Variants in VPS13B observed in about 807,000 individuals in gnomAD.
The protein encoded by VPS13B is vacuolar protein sorting 13 homolog B.
VPS13B carries 285 observed loss-of-function variants against 426.4 expected under a neutral mutation model. The ratio of observed to expected loss-of-function variants is 0.67; its 90% CI spans 0.61 to 0.74. VPS13B has a LOEUF of 0.74. VPS13B is among the 30% of genes least tolerant of loss of function. VPS13B has a pLI of 0.00. For synonymous variants in VPS13B, 1,676 were observed against 1,676.4 expected (o/e 1.00, Z 0.01); for missense variants, 4,537 against 4,782.6 (o/e 0.95, Z 1.51).
At chr8:99,345,639 T>C (rs1193786002) in intron 19 of VPS13B, among the ~76,000 whole-genome samples, 3 of 152,342 alleles carry the variant, frequency 2.0e-5, no homozygotes, top group South Asian at 4.1e-4. Context: ...TTTTCTTATA[T>C]ACACTTTTTG....
intron 19 of VPS13B, among the ~76,000 whole-genome samples, chr8:99,361,843 T>G (rs1044198726): frequency 6.6e-6 from 1 of 152,216 alleles, no homozygotes; most frequent in Non-Finnish European, 1.5e-5. Context: ...GAGTAGCTAT[T>G]ACTTTTTAAG....
At chr8:99,468,798 T>C (rs182522892) in intron 24 of VPS13B, among the ~76,000 whole-genome samples, 71 of 152,314 alleles carry the variant, frequency 4.7e-4, no homozygotes, top group Admixed American at 2.0e-3. Flanking sequence ...TGTTTTACAT[T>C]TTACTATCAC....
At chr8:99,374,740 C>G (rs1200899382) in intron 19 of VPS13B, among the ~76,000 whole-genome samples, 2 of 152,080 alleles carry the variant, frequency 1.3e-5, no homozygotes, top group African/African-American at 4.8e-5. Context: ...TGAGCTGTAT[C>G]TTATTCTTTT....
chr8:99,628,920 A>G, intron 33 of VPS13B, among the ~76,000 whole-genome samples: 1 of 151,972 alleles, frequency 6.6e-6, no homozygotes, highest in East Asian at 1.9e-4. Context: ...ATGCATCTCC[A>G]TGCCAGCTAA....
chr8:99,808,972 A>C (rs1234750068), intron 43 of VPS13B, among the ~76,000 whole-genome samples: 7 of 152,044 alleles, frequency 4.6e-5, no homozygotes, highest in Non-Finnish European at 7.4e-5. Flanking sequence ...TAAAAAAAAA[A>C]CCCACAAACC....
chr8:99,871,472 A>G lies in VPS13B; in HGVS notation c.11520A>G (p.Arg3840=). 1 of 1,614,160 alleles carries G rather than the reference A, an allele frequency of 6.2e-7. No individual in the cohort carries two copies. Among genetic ancestry groups the G allele is most frequent in the Non-Finnish European group, 8.5e-7 (1 of 1,180,012 alleles). ...YVWKMLQSLG[R]PEVHMALDVV... ...GGAAAATGCTTCAGTCTCTGGGCAG[A>G]CCAGAAGTCCACATGGCCCTGGACG... is the stretch of plus-strand genomic sequence containing the variant. The change falls in exon 61 of 62, where the codon AGA becomes AGG. Residue 3840 remains arginine, a synonymous_variant. Coordinates refer to ENST00000357162, the MANE Select transcript of VPS13B (RefSeq NM_152564.5).
At chr8:99,760,471 A>T (rs1810870413) in intron 39 of VPS13B, among the ~76,000 whole-genome samples, 1 of 152,206 alleles carries the variant, frequency 6.6e-6, no homozygotes, top group Admixed American at 6.5e-5. Context: ...ATCATTAAAT[A>T]GGTTGCCCAA....
intron 26 of VPS13B, among the ~76,000 whole-genome samples, chr8:99,502,452 G>C (rs1242531495): frequency 6.6e-6 from 1 of 152,036 alleles, no homozygotes; most frequent in Non-Finnish European, 1.5e-5. Flanking sequence ...AACATTAAAG[G>C]TTTACGTGTA....
chr8:99,172,849 T>C (rs890478185), intron 16 of VPS13B, among the ~76,000 whole-genome samples: 1 of 152,164 alleles, frequency 6.6e-6, no homozygotes, highest in African/African-American at 2.4e-5. Context: ...TTTATAGCCA[T>C]CTGTGTACTG....
intron 58 of VPS13B, among the ~76,000 whole-genome samples, chr8:99,865,629 T>C (rs941759536): frequency 2.6e-5 from 4 of 152,190 alleles, no homozygotes; most frequent in Non-Finnish European, 5.9e-5. Flanking sequence ...CAGTGCGGAA[T>C]TTAGGAATGA....
At chr8:99,717,461 T>G in intron 37 of VPS13B, 88 bp downstream of exon 37, 1 of 1,243,120 alleles carries the variant, frequency 8.0e-7, no homozygotes, top group East Asian at 2.5e-5. Flanking sequence ...TTTAAATCTT[T>G]GTGTGGTAAG....
At chr8:99,031,147 C>T (rs1338850627) in intron 2 of VPS13B, among the ~76,000 whole-genome samples, 2 of 151,986 alleles carry the variant, frequency 1.3e-5, no homozygotes, top group Admixed American at 6.6e-5. Flanking sequence ...TTCAAGTTCA[C>T]AAATTCTTCT....
At chr8:99,793,569 A>G (rs1019273380) in intron 43 of VPS13B, among the ~76,000 whole-genome samples, 4 of 152,138 alleles carry the variant, frequency 2.6e-5, no homozygotes, top group Non-Finnish European at 5.9e-5. Flanking sequence ...ACCAGGATTT[A>G]TTATTGATCA....
intron 14 of VPS13B, among the ~76,000 whole-genome samples, chr8:99,151,233 T>C (rs533664227): frequency 6.6e-6 from 1 of 152,352 alleles, no homozygotes; most frequent in East Asian, 1.9e-4. Context: ...GTTTGTTTTC[T>C]TAATATTGAA....
rs1331845216 is a variant in VPS13B, at chr8:99,615,087, AGCCT to A, written c.5221-26722_5221-26719del. On this transcript the variant is annotated intron_variant, in intron 33 of 61. Coordinates refer to ENST00000357162, the MANE Select transcript of VPS13B (RefSeq NM_152564.5). ...AGCCGAGATTGCGCCATTGCACTCC[AGCCT>A]GGGGAACAACAGTGAAACTCCGTCT... is the stretch of plus-strand genomic sequence containing the variant. 8.0e-5 allele frequency among the ~76,000 whole-genome samples: 12 copies of A among 149,242 alleles called. No individual in the cohort carries two copies. In the East Asian group the frequency reaches 2.2e-3, roughly 27 times the overall value.
intron 3 of VPS13B, among the ~76,000 whole-genome samples, chr8:99,063,754 A>G (rs1844323668): frequency 6.6e-6 from 1 of 152,204 alleles, no homozygotes; most frequent in South Asian, 2.1e-4. Flanking sequence ...CAGAGAACAG[A>G]CAGACTGCCT....
chr8:99,081,464 G>T (rs1012398563), intron 3 of VPS13B, among the ~76,000 whole-genome samples: 2 of 151,962 alleles, frequency 1.3e-5, no homozygotes, highest in East Asian at 1.9e-4. Flanking sequence ...TAGGGTACAC[G>T]TGCACAACGT....
rs1317911229 is a variant in VPS13B at position 99,152,089 on chromosome 8, A to C, written c.2013+4079A>C. Among the ~76,000 whole-genome samples the C allele has an allele frequency of 3.3e-5, 5 of 152,176 alleles. No individual in the cohort carries two copies. In the South Asian group the frequency reaches 6.2e-4, roughly 19 times the overall value. On this transcript the variant is annotated intron_variant, in intron 14 of 61. Coordinates refer to ENST00000357162, the MANE Select transcript of VPS13B (RefSeq NM_152564.5). Reference sequence around the variant, plus strand: ...ATTTTGGATTTATTTAATTTCCTGAAGTGTAAGCTTAGGTGATTGATTTTA... The same window carrying C: ...ATTTTGGATTTATTTAATTTCCTGACGTGTAAGCTTAGGTGATTGATTTTA...
intron 43 of VPS13B, among the ~76,000 whole-genome samples, chr8:99,800,163 A>G (rs1485920419): frequency 6.6e-6 from 1 of 152,168 alleles, no homozygotes; most frequent in Non-Finnish European, 1.5e-5. Flanking sequence ...AAAAAAAGAA[A>G]ATGTGAATTA....
Sources: allele counts gnomAD v4.1 joint callset (sites outside exome capture counted in the v4.1 genomes callset), GRCh38; gene constraint gnomAD v4.1.1; transcripts MANE v1.5; gene names NCBI Gene and HGNC (gene_info 2026-07-23, HGNC 2026-07-21).